The following MED23 variants were observed in gnomAD, a reference collection of about 807,000 sequenced individuals.
The protein encoded by MED23 is mediator of RNA polymerase II transcription subunit 23.
Under a neutral mutation model 163.9 loss-of-function variants are expected in MED23, and 105 were observed. The observed-to-expected ratio is 0.64, with a 90% CI of 0.55 to 0.75. The LOEUF (loss-of-function observed/expected upper bound fraction) is 0.75. Ranked by LOEUF, MED23 falls within the 30% of genes least tolerant of loss-of-function variation. The probability of loss-of-function intolerance (pLI) is 0.00; values close to 1 mark genes in which losing one functional copy is unlikely to be tolerated. For synonymous variants in MED23, 561 were observed against 565.6 expected (o/e 0.99, Z 0.12); for missense variants, 1,054 against 1,649.0 (o/e 0.64, Z 6.25).
intron 10 of MED23, among the ~76,000 whole-genome samples, chr6:131,614,653 A>G (rs891233234): frequency 7.9e-5 from 12 of 152,156 alleles, no homozygotes; most frequent in Non-Finnish European, 1.5e-4. Flanking sequence ...CACTTCTGGC[A>G]AAGACTGACA....
intron 24 of MED23, chr6:131,592,682 C>T (rs1211337375): frequency 1.7e-6 from 1 of 600,490 alleles, no homozygotes; most frequent in South Asian, 2.1e-5. Flanking sequence ...TCCCATACTT[C>T]ATGCTAATTT....
intron 15 of MED23, 148 bp downstream of exon 15, chr6:131,604,030 A>G (rs1282971114): frequency 2.6e-6 from 2 of 778,500 alleles, no homozygotes; most frequent in East Asian, 2.6e-5. Flanking sequence ...CATCTGACAT[A>G]TTGTATATTT....
rs539641682 is a variant in MED23 at position 131,592,370 on chromosome 6, T to A, written c.3471+18A>T. ...GCTGTATTTCATCACTAAGTACAAA[T>A]CACAATTATTAACTCACTGGTAGGG... On this transcript the variant is annotated intron_variant, in intron 25 of 28. Coordinates refer to ENST00000368068, the MANE Select transcript of MED23 (RefSeq NM_004830.4). 25 of 1,608,718 alleles carry A rather than the reference T, an allele frequency of 1.6e-5. No individual in the cohort carries two copies. In the African/African-American group the frequency reaches 1.7e-4, roughly 11 times the overall value.
chr6:131,627,514 T>G (rs751735671), intron 2 of MED23, 31 bp from the exon 3 acceptor site: 2 of 1,602,660 alleles, frequency 1.2e-6, no homozygotes, highest in South Asian at 2.2e-5. Context: ...TTATTTGTCA[T>G]TCGTTTTAAA....
At chr6:131,604,783 G>A (rs1046671054) in intron 14 of MED23, among the ~76,000 whole-genome samples, 1 of 152,152 alleles carries the variant, frequency 6.6e-6, no homozygotes, top group South Asian at 2.1e-4. Flanking sequence ...ATTTGAAAAA[G>A]AGCATAGCTC....
rs1775271827 is a variant in MED23, at chr6:131,598,988, A to T, written c.2221-227T>A. 6.6e-6 allele frequency among the ~76,000 whole-genome samples: 1 copy of T among 152,228 alleles called. No homozygotes were observed. Among genetic ancestry groups the T allele is most frequent in the Non-Finnish European group, 1.5e-5 (1 of 68,038 alleles). On this transcript the variant is annotated intron_variant, in intron 18 of 28. Coordinates refer to ENST00000368068, the MANE Select transcript of MED23 (RefSeq NM_004830.4). This position sits in a 1 kb window ranked among gnomAD's most constrained non-coding sequence, Gnocchi z 4.7. ...ATTTCCTAAATGGAAATTCTAAGTAAGCCTGAATTCAAAGCTTCTTCAATC... is the reference window on the plus strand; with the variant it reads ...ATTTCCTAAATGGAAATTCTAAGTATGCCTGAATTCAAAGCTTCTTCAATC...
chr6:131,624,392 C>G (rs1777332963), intron 4 of MED23, among the ~76,000 whole-genome samples: 1 of 152,100 alleles, frequency 6.6e-6, no homozygotes, highest in African/African-American at 2.4e-5. Context: ...GCTAATAATC[C>G]CAGCTGAGGT....
chr6:131,624,678 C>T (rs551055694), intron 4 of MED23, among the ~76,000 whole-genome samples, 187 bp downstream of exon 4: 2 of 152,326 alleles, frequency 1.3e-5, no homozygotes, highest in East Asian at 1.9e-4. Context: ...TTTGAGCCCA[C>T]AAGCATTACC....
chr6:131,622,036 A>C, intron 5 of MED23, 57 bp from the exon 6 acceptor site: 1 of 1,288,270 alleles, frequency 7.8e-7, no homozygotes, highest in Non-Finnish European at 1.1e-6. Flanking sequence ...GTGTTAGCTA[A>C]AACGTCCGAA....
intron 6 of MED23, 120 bp downstream of exon 6, chr6:131,621,761 T>A (rs1353452105): frequency 3.5e-6 from 2 of 567,424 alleles, no homozygotes; most frequent in East Asian, 5.9e-5. Flanking sequence ...AGAAGTGATT[T>A]TTTTTTGGTA....
intron 23 of MED23, 100 bp from the exon 24 acceptor site, chr6:131,593,271 AT>A: frequency 7.0e-7 from 1 of 1,426,886 alleles, no homozygotes. Flanking sequence ...GCTTAGAGAG[AT>A]TAAGAGGCAA....
chr6:131,623,868 A>T (rs188645746), intron 4 of MED23, among the ~76,000 whole-genome samples: 3 of 152,348 alleles, frequency 2.0e-5, no homozygotes, highest in African/African-American at 7.2e-5. Flanking sequence ...AGCATCAGAC[A>T]GACTAATACA....
chr6:131,607,972 GA>G lies in MED23; in HGVS notation c.1176del (p.Leu393SerfsTer3). ...GSIQKNALAD[F>X]LPVMKLFDLL... ...AAGTCGAAGAGCTTCATCACAGGGA[GA>G]AAATCAGCTAGTGCATTTTTCTGAA... On this transcript the variant is annotated frameshift_variant, in exon 12 of 29. Transcript: ENST00000368068. LOFTEE classifies it high-confidence loss of function. 1 of 1,613,906 alleles carries G rather than the reference GA, an allele frequency of 6.2e-7. No homozygotes were observed. Among genetic ancestry groups the G allele is most frequent in the Non-Finnish European group, 8.5e-7 (1 of 1,179,914 alleles).
chr6:131,594,561 G>A (rs987161679), intron 22 of MED23, among the ~76,000 whole-genome samples: 1 of 152,082 alleles, frequency 6.6e-6, no homozygotes, highest in African/African-American at 2.4e-5. Context: ...TTTTATTTAA[G>A]TGGAAGCAAT....
chr6:131,588,876 A>G (rs989779677), intron 28 of MED23, among the ~76,000 whole-genome samples: 6 of 152,132 alleles, frequency 3.9e-5, no homozygotes, highest in Non-Finnish European at 8.8e-5. Flanking sequence ...ACCAGAATTC[A>G]TACACCCTCT....
At chr6:131,576,571 A>C in intron 30 of MED23, 4 of 1,217,154 alleles carry the variant, frequency 3.3e-6, no homozygotes, top group Non-Finnish European at 4.9e-6. Context: ...TGATAGTTAC[A>C]GTTCAACTGA....
chr6:131,620,749 C>T lies in MED23; in HGVS notation c.496-20G>A. ...TATAACCTAAGAAAAACAAAAAGGC[C>T]ACATCATTCTTGACTAGTCCCACAT... On this transcript the variant is annotated intron_variant, in intron 6 of 28. Transcript: ENST00000368068. 6.8e-7 allele frequency: 1 copy of T among 1,476,914 alleles called. No homozygotes were observed. Among genetic ancestry groups the T allele is most frequent in the Non-Finnish European group, 9.5e-7 (1 of 1,056,206 alleles). The allele number at this position is 1,476,914 out of a possible 1,614,324, so 91.5% of individuals were successfully genotyped here.
chr6:131,600,347 T>G (rs561541654), intron 17 of MED23, among the ~76,000 whole-genome samples, 185 bp from the exon 18 acceptor site: 2 of 152,200 alleles, frequency 1.3e-5, no homozygotes, highest in African/African-American at 2.4e-5. Context: ...GATGATCACA[T>G]TAGAAAATAT....
At chr6:131,615,066 C>CAAAAAAAAAAAAAAAAAA (rs5880072) in intron 10 of MED23, among the ~76,000 whole-genome samples, 6 of 68,242 alleles carry the variant, frequency 8.8e-5, no homozygotes, top group East Asian at 4.3e-4. Flanking sequence ...TCTTTGTTAC[C>CAAAAAAAAAAAAAAAAAA]AAAAAAAAAA....
Sources: gnomAD v4.1 joint callset for allele counts (sites outside exome capture counted in the v4.1 genomes callset) on GRCh38, gnomAD v4.1.1 for gene constraint, Gnocchi (gnomAD v3.1) non-coding constraint, MANE v1.5 for transcripts, NCBI Gene and HGNC (gene_info 2026-07-23, HGNC 2026-07-21) for gene names.